Variants in SGCD observed in about 807,000 individuals in gnomAD.
SGCD encodes the protein delta-sarcoglycan.
SGCD carries 18 observed loss-of-function variants against 36.6 expected under a neutral mutation model. The ratio of observed to expected loss-of-function variants is 0.49; its 90% CI spans 0.34 to 0.73. SGCD has a LOEUF of 0.73. Ranked by LOEUF, SGCD falls within the 30% of genes least tolerant of loss-of-function variation. The pLI, the probability that SGCD is intolerant of heterozygous loss-of-function variation, is 0.01. For missense variants in SGCD, 387 were observed against 346.7 expected, an observed-to-expected ratio of 1.12 and a Z score of -0.92; for synonymous variants, 133 against 130.6, an observed-to-expected ratio of 1.02 and a Z score of -0.12.
chr5:156,005,741 T>C (rs138788067), intron 1 of SGCD, among the ~76,000 whole-genome samples: 2,238 of 152,310 alleles, frequency 0.015, 25 homozygotes, highest in Non-Finnish European at 0.022. Context: ...TGAGCCACCG[T>C]GCCCGGCCTT....
At chr5:156,071,488 C>A (rs1760560600) in intron 1 of SGCD, among the ~76,000 whole-genome samples, 1 of 152,120 alleles carries the variant, frequency 6.6e-6, no homozygotes, top group African/African-American at 2.4e-5. Flanking sequence ...GCACTGTGGT[C>A]TGAGAGACAG....
At chr5:155,985,724 C>T (rs1254744977) in intron 1 of SGCD, among the ~76,000 whole-genome samples, 1 of 152,160 alleles carries the variant, frequency 6.6e-6, no homozygotes, top group Non-Finnish European at 1.5e-5. Context: ...AATGAAATTG[C>T]AGACTGCCTG....
intron 1 of SGCD, among the ~76,000 whole-genome samples, chr5:155,881,468 A>G (rs1755884582): frequency 6.6e-6 from 1 of 152,142 alleles, no homozygotes; most frequent in Admixed American, 6.5e-5. Context: ...AAAATACTAT[A>G]TTGCTAAAAG....
At chr5:155,888,097 T>C (rs1224393539) in intron 1 of SGCD, among the ~76,000 whole-genome samples, 2 of 152,212 alleles carry the variant, frequency 1.3e-5, no homozygotes, top group Non-Finnish European at 2.9e-5. Flanking sequence ...AAATTCAGTC[T>C]TTTTGCCTCT....
intron 1 of SGCD, among the ~76,000 whole-genome samples, chr5:155,936,805 C>T (rs1352913109): frequency 6.6e-6 from 1 of 152,218 alleles, no homozygotes; most frequent in Non-Finnish European, 1.5e-5. Context: ...TGTTCATGCC[C>T]AGGGGCACCT....
chr5:156,131,684 T>A (rs549678232), intron 3 of SGCD, among the ~76,000 whole-genome samples: 2 of 152,168 alleles, frequency 1.3e-5, no homozygotes, highest in Non-Finnish European at 2.9e-5. Context: ...GTGGACCCTG[T>A]TGCTCAACAG....
chr5:156,246,071 A>G (rs1221357509), intron 3 of SGCD, among the ~76,000 whole-genome samples: 2 of 152,184 alleles, frequency 1.3e-5, no homozygotes, highest in African/African-American at 2.4e-5. Context: ...CCTTTTCAAC[A>G]TGACAAATTT....
intron 3 of SGCD, among the ~76,000 whole-genome samples, chr5:156,321,663 T>G (rs1767673685): frequency 6.6e-6 from 1 of 152,144 alleles, no homozygotes. Flanking sequence ...GAGGACACCA[T>G]TCTCCTGGTC....
At chr5:155,992,523 G>T (rs1209833689) in intron 1 of SGCD, among the ~76,000 whole-genome samples, 1 of 152,120 alleles carries the variant, frequency 6.6e-6, no homozygotes, top group Non-Finnish European at 1.5e-5. Context: ...GCACTAATTG[G>T]TGAAAATGTA....
chr5:156,613,572 T>A (rs1175315493), intron 6 of SGCD, among the ~76,000 whole-genome samples: 1 of 152,152 alleles, frequency 6.6e-6, no homozygotes, highest in African/African-American at 2.4e-5. Flanking sequence ...AGACAGTGGA[T>A]CTCAAAAATA....
At chr5:156,073,523 A>G (rs540645877) in intron 1 of SGCD, among the ~76,000 whole-genome samples, 2 of 152,336 alleles carry the variant, frequency 1.3e-5, no homozygotes, top group South Asian at 4.1e-4. Flanking sequence ...TGGTTATGCC[A>G]CTGCACTCTA....
At chr5:155,864,617 T>C in the SGCD span, among the ~76,000 whole-genome samples, 758 of 152,324 alleles carry the variant, frequency 5.0e-3, 8 homozygotes, top group South Asian at 0.05. Context: ...TTTTCACAAA[T>C]AGAATTTGTA....
chr5:156,208,412 G>A (rs918069213), intron 3 of SGCD, among the ~76,000 whole-genome samples: 1 of 152,192 alleles, frequency 6.6e-6, no homozygotes, highest in Non-Finnish European at 1.5e-5. Flanking sequence ...GCCTTTTAGG[G>A]TTGACTGCCA....
At chr5:156,220,848 T>G (rs1001904618) in intron 3 of SGCD, among the ~76,000 whole-genome samples, 2 of 152,182 alleles carry the variant, frequency 1.3e-5, no homozygotes, top group African/African-American at 4.8e-5. Context: ...TTAACTGAAT[T>G]TAATACTTGT....
At chr5:156,754,567 GGAAA>G (rs937166200) in intron 7 of SGCD, among the ~76,000 whole-genome samples, 8 of 152,144 alleles carry the variant, frequency 5.3e-5, no homozygotes, top group African/African-American at 1.7e-4. Context: ...TACAATAGAT[GGAAA>G]GAAATACAGT....
At chr5:155,889,111 T>A (rs1040272938) in intron 1 of SGCD, among the ~76,000 whole-genome samples, 1 of 152,188 alleles carries the variant, frequency 6.6e-6, no homozygotes, top group Non-Finnish European at 1.5e-5. Context: ...CCCTAGACTG[T>A]GAGTTCTTGG....
chr5:155,884,276 G>A (rs1327736571), intron 1 of SGCD, among the ~76,000 whole-genome samples: 2 of 152,146 alleles, frequency 1.3e-5, no homozygotes, highest in Non-Finnish European at 1.5e-5. Flanking sequence ...GTCTGGAAGA[G>A]TCAACAGTGA....
At chr5:156,634,455 ACAG>A (rs1459267246) in intron 6 of SGCD, among the ~76,000 whole-genome samples, 2 of 151,498 alleles carry the variant, frequency 1.3e-5, no homozygotes, top group Non-Finnish European at 2.9e-5. Context: ...ACAAAGGAAA[ACAG>A]CAACAACAAC....
chr5:156,222,670 C>T (rs1201260063), intron 3 of SGCD, among the ~76,000 whole-genome samples: 1 of 151,992 alleles, frequency 6.6e-6, no homozygotes, highest in Non-Finnish European at 1.5e-5. Context: ...AAACCTACAT[C>T]TTGAGGGTTA....
Sources: gnomAD v4.1 joint callset for allele counts (sites outside exome capture counted in the v4.1 genomes callset) on GRCh38, gnomAD v4.1.1 for gene constraint, MANE v1.5 for transcripts, NCBI Gene and HGNC (gene_info 2026-07-23, HGNC 2026-07-21) for gene names.